MAGI2: variants seen among roughly 807,000 people sequenced by gnomAD.
MAGI2 encodes membrane associated guanylate kinase, WW and PDZ domain containing 2, also known as membrane-associated guanylate kinase, WW and PDZ domain-containing protein 2.
Under a neutral mutation model 133.3 loss-of-function variants are expected in MAGI2, and 35 were observed. The ratio of observed to expected loss-of-function variants is 0.26; its 90% CI spans 0.20 to 0.35. The LOEUF (loss-of-function observed/expected upper bound fraction) is 0.35. Ranked by LOEUF, MAGI2 falls within the 10% of genes least tolerant of loss-of-function variation. The pLI is 1.00. For synonymous variants in MAGI2, 729 were observed against 710.6 expected (o/e 1.03, Z -0.41); for missense variants, 1,636 against 1,863.4 (o/e 0.88, Z 2.25).
At chr7:79,226,356 A>G (rs1830854795) in intron 1 of MAGI2, among the ~76,000 whole-genome samples, 1 of 152,076 alleles carries the variant, frequency 6.6e-6, no homozygotes, top group Admixed American at 6.6e-5. Context: ...TTGCAAGGGA[A>G]TGTTTAGGCA....
intron 1 of MAGI2, among the ~76,000 whole-genome samples, chr7:79,086,092 G>A (rs1816458307): frequency 6.6e-6 from 1 of 151,826 alleles, no homozygotes; most frequent in South Asian, 2.1e-4. Flanking sequence ...TTTCCTTTTA[G>A]ATTGTTTTTA....
intron 2 of MAGI2, among the ~76,000 whole-genome samples, chr7:78,685,971 TTTTC>T (rs887849627): frequency 1.2e-4 from 8 of 65,998 alleles, no homozygotes; most frequent in South Asian, 4.8e-4. Flanking sequence ...CTTTTTTTTC[TTTTC>T]TTTTTTTTTT....
intron 1 of MAGI2, among the ~76,000 whole-genome samples, chr7:79,382,071 G>T (rs1843831007): frequency 6.6e-6 from 1 of 151,582 alleles, no homozygotes; most frequent in Non-Finnish European, 1.5e-5. Context: ...CTCTGTGACA[G>T]TCTAACAGCT....
At chr7:79,139,298 C>G (rs146286512) in intron 1 of MAGI2, among the ~76,000 whole-genome samples, 113 of 152,248 alleles carry the variant, frequency 7.4e-4, no homozygotes, top group African/African-American at 2.6e-3. Context: ...TTTCCATTAC[C>G]TGACACTCAT....
chr7:79,174,772 T>A lies in MAGI2; in HGVS notation c.302-167566A>T, dbSNP rs143523474. 1.7e-3 allele frequency among the ~76,000 whole-genome samples: 265 copies of A among 151,972 alleles called. 3 individuals are homozygous for A. The highest frequency in any genetic ancestry group is 6.2e-4 in the Non-Finnish European group (42 of 67,974). ...TTTGTAGAAAAAATATATAACTGAA[T>A]ACAAAATGTTTACTTTCAAAAAAGT... is the stretch of plus-strand genomic sequence containing the variant. On this transcript the variant is annotated intron_variant, in intron 1 of 21. Coordinates refer to ENST00000354212, the MANE Select transcript of MAGI2 (RefSeq NM_012301.4).
chr7:78,515,742 A>T (rs752874722), intron 4 of MAGI2, among the ~76,000 whole-genome samples: 1 of 152,134 alleles, frequency 6.6e-6, no homozygotes, highest in African/African-American at 2.4e-5. Context: ...TCTACTAAAA[A>T]TACAAAATTA....
At chr7:78,503,722 C>T (rs1235205541) in intron 4 of MAGI2, among the ~76,000 whole-genome samples, 2 of 148,006 alleles carry the variant, frequency 1.4e-5, no homozygotes, top group Non-Finnish European at 3.0e-5. Flanking sequence ...TCCTTCCCCT[C>T]CCCACCCTCC....
chr7:78,596,932 C>T (rs903364187), intron 3 of MAGI2, among the ~76,000 whole-genome samples: 10 of 152,038 alleles, frequency 6.6e-5, no homozygotes, highest in South Asian at 2.1e-4. Flanking sequence ...GGGAGTTGTA[C>T]GGAGCCTATT....
intron 9 of MAGI2, among the ~76,000 whole-genome samples, chr7:78,306,848 T>G (rs1798279009): frequency 6.6e-6 from 1 of 152,156 alleles, no homozygotes; most frequent in South Asian, 2.1e-4. Context: ...GATTAAAAGC[T>G]AGTGCAAGTA....
At chr7:79,219,915 A>G (rs1407176270) in intron 1 of MAGI2, among the ~76,000 whole-genome samples, 1 of 152,050 alleles carries the variant, frequency 6.6e-6, no homozygotes, top group Non-Finnish European at 1.5e-5. Context: ...GAAAATTGAG[A>G]TTAATTGTGA....
chr7:78,697,652 G>C (rs1219016592), intron 2 of MAGI2, among the ~76,000 whole-genome samples: 1 of 152,012 alleles, frequency 6.6e-6, no homozygotes, highest in African/African-American at 2.4e-5. Context: ...TCCTCATCTC[G>C]TAGAGCAAAT....
At chr7:78,842,535 G>T (rs116837012) in intron 2 of MAGI2, among the ~76,000 whole-genome samples, 16 of 151,544 alleles carry the variant, frequency 1.1e-4, no homozygotes, top group Non-Finnish European at 2.2e-4. Flanking sequence ...CTAGTAATCC[G>T]TTTGTTTATA....
intron 9 of MAGI2, among the ~76,000 whole-genome samples, chr7:78,310,469 C>T (rs1562799702): frequency 6.6e-6 from 1 of 152,052 alleles, no homozygotes; most frequent in Non-Finnish European, 1.5e-5. Context: ...AGTACATCAG[C>T]TCTGCTATTC....
intron 1 of MAGI2, among the ~76,000 whole-genome samples, chr7:79,093,385 A>G (rs1817233530): frequency 6.6e-6 from 1 of 152,190 alleles, no homozygotes; most frequent in Non-Finnish European, 1.5e-5. Context: ...TCAGATCCAG[A>G]CCACCACAAT....
rs189893974 is a variant in MAGI2 at position 79,044,629 on chromosome 7, A to T, written c.302-37423T>A. Among the ~76,000 whole-genome samples the T allele has an allele frequency of 3.2e-4, 48 of 152,320 alleles. 1 individual carries two copies. The highest frequency in any genetic ancestry group is 3.1e-3 in the Admixed American group (48 of 15,298). ...ACTCAAATAGGAAGAAAGGAAGTCA[A>T]ACTATCTATTTTGGCAGATTATATG... On this transcript the variant is annotated intron_variant, in intron 1 of 21. Coordinates refer to ENST00000354212, the MANE Select transcript of MAGI2 (RefSeq NM_012301.4).
chr7:78,944,058 T>C (rs1432430770), intron 2 of MAGI2, among the ~76,000 whole-genome samples: 1 of 152,176 alleles, frequency 6.6e-6, no homozygotes, highest in Non-Finnish European at 1.5e-5. Flanking sequence ...ACACACTAAG[T>C]ACACAGGTGC....
intron 2 of MAGI2, among the ~76,000 whole-genome samples, chr7:78,900,077 G>T (rs1490050783): frequency 6.6e-6 from 1 of 152,014 alleles, no homozygotes; most frequent in Non-Finnish European, 1.5e-5. Context: ...GAGCCTCTTT[G>T]CTTTTGTGTT....
At chr7:78,310,591 C>T (rs1406620399) in intron 9 of MAGI2, among the ~76,000 whole-genome samples, 2 of 151,830 alleles carry the variant, frequency 1.3e-5, no homozygotes, top group South Asian at 2.1e-4. Context: ...TTTATAAGAC[C>T]TTGTTTGGTT....
At chr7:79,086,623 G>C (rs1363499411) in intron 1 of MAGI2, among the ~76,000 whole-genome samples, 1 of 151,438 alleles carries the variant, frequency 6.6e-6, no homozygotes, top group African/African-American at 2.4e-5. Context: ...TGGATTTTTG[G>C]TGGTTCTTAC....
Sources: allele counts gnomAD v4.1 joint callset (sites outside exome capture counted in the v4.1 genomes callset), GRCh38; gene constraint gnomAD v4.1.1; transcripts MANE v1.5; gene names NCBI Gene and HGNC (gene_info 2026-07-23, HGNC 2026-07-21).